FBXO22: variants seen among roughly 807,000 people sequenced by gnomAD.
The protein encoded by FBXO22 is F-box protein 22.
FBXO22 carries 13 observed loss-of-function variants against 37.2 expected under a neutral mutation model. That is an observed-to-expected ratio of 0.35 (90% confidence interval 0.23 to 0.56). The LOEUF is 0.56. Ranked by LOEUF, FBXO22 falls within the 20% of genes least tolerant of loss-of-function variation. The pLI, the probability that FBXO22 is intolerant of heterozygous loss-of-function variation, is 0.87. For synonymous variants in FBXO22, 189 were observed against 189.1 expected (o/e 1.00, Z 0.00); for missense variants, 446 against 509.9 (o/e 0.87, Z 1.21).
In FBXO22 at chr15:75,932,602, G is replaced by A. The variant is rs10163130; in HGVS notation, c.795-83G>A. 8.1e-4 allele frequency: 1,091 copies of A among 1,347,738 alleles called. 6 individuals carry two copies. The African/African-American group carries it at 0.014, about 18-fold the overall frequency. The allele number at this position is 1,347,738 out of a possible 1,614,324, so 83.5% of individuals were successfully genotyped here. ...AGGCTGCTAAAGGCAGCAGCCTCCC[G>A]TCAGTGAATCAGGAGGATTTTGCTT... On this transcript the variant is annotated intron_variant, in intron 6 of 6. Transcript: ENST00000308275.
chr15:75,922,919 C>A (rs536784247), intron 5 of FBXO22, among the ~76,000 whole-genome samples: 9 of 152,294 alleles, frequency 5.9e-5, no homozygotes, highest in Admixed American at 1.3e-4. Flanking sequence ...AATAGGAACA[C>A]TGGGACAGGA....
intron 6 of FBXO22, 110 bp from the exon 7 acceptor site, chr15:75,932,575 A>G (rs2030078098): frequency 4.0e-6 from 4 of 1,012,222 alleles, no homozygotes; most frequent in East Asian, 2.4e-5. Flanking sequence ...CAGATTAACC[A>G]TAGGCTGCTA....
intron 6 of FBXO22, chr15:75,930,526 G>A: frequency 1.0e-6 from 1 of 987,320 alleles, no homozygotes; most frequent in South Asian, 4.7e-5. Context: ...TCCACAGAAT[G>A]TCTTGCAAGT....
rs769518649 is a variant in FBXO22, at chr15:75,904,554, G to C, written c.204G>C (p.Trp68Cys). The C allele has an allele frequency of 2.5e-6, 4 of 1,613,814 alleles. No individual in the cohort carries two copies. The highest frequency in any genetic ancestry group is 3.4e-6 in the Non-Finnish European group (4 of 1,179,870). The change falls in exon 2 of 7, where the codon TGG (tryptophan) becomes TGC (cysteine). Residue 68 changes from tryptophan (W) to cysteine (C), a missense_variant. Coordinates refer to ENST00000308275, the MANE Select transcript of FBXO22 (RefSeq NM_147188.3). ...RVLRTHRSVT[W>C]ISAGLAEAGH... Reference sequence around the variant, plus strand: ...TGCGGACCCATCGGAGCGTAACCTGGATCTCCGCAGGCCTGGCGGAGGCCG... The same window carrying C: ...TGCGGACCCATCGGAGCGTAACCTGCATCTCCGCAGGCCTGGCGGAGGCCG...
intron 5 of FBXO22, among the ~76,000 whole-genome samples, chr15:75,920,840 T>A (rs1040495558): frequency 1.3e-5 from 2 of 152,064 alleles, no homozygotes; most frequent in Middle Eastern, 3.4e-3. Flanking sequence ...AATAAATAAA[T>A]AAAAATTTAT....
At chr15:75,919,217 C>T (rs758044222) in intron 5 of FBXO22, among the ~76,000 whole-genome samples, 16 of 152,140 alleles carry the variant, frequency 1.1e-4, no homozygotes, top group Admixed American at 3.3e-4. Context: ...AGTGATCCAC[C>T]TGCCTCGGCC....
chr15:75,913,117 A>G (rs532390140), intron 2 of FBXO22, 86 bp from the exon 3 acceptor site: 165 of 821,504 alleles, frequency 2.0e-4, no homozygotes, highest in African/African-American at 9.5e-4. Context: ...TGATTGCACT[A>G]TGGACTGGGT....
intron 2 of FBXO22, 22 bp downstream of exon 2, chr15:75,904,651 G>T: frequency 1.3e-6 from 2 of 1,572,664 alleles, no homozygotes; most frequent in Middle Eastern, 1.7e-4. Flanking sequence ...GGGGTGTCAT[G>T]CACAGTCATT....
At chr15:75,914,713 G>A (rs1020899452) in intron 4 of FBXO22, among the ~76,000 whole-genome samples, 3 of 152,112 alleles carry the variant, frequency 2.0e-5, no homozygotes, top group Admixed American at 6.5e-5. Flanking sequence ...GTAGTTAACT[G>A]GGGGAGGAGA....
chr15:75,910,875 T>C (rs914022342), intron 2 of FBXO22, among the ~76,000 whole-genome samples: 3 of 152,262 alleles, frequency 2.0e-5, no homozygotes, highest in African/African-American at 7.2e-5. Context: ...TAGATGTTCT[T>C]CTAGTGTTTT....
intron 1 of FBXO22, 98 bp downstream of exon 1, chr15:75,904,201 A>G (rs1899865591): frequency 1.4e-6 from 2 of 1,408,062 alleles, no homozygotes; most frequent in Non-Finnish European, 1.9e-6. Context: ...GGGACCCACC[A>G]GGGCCGTCCC....
Position 75,936,525 on chromosome 15 carries a change from C to G in FBXO22, c.*3423C>G, listed in dbSNP as rs1195182501. The G allele has an allele frequency of 6.6e-6, 1 of 152,018 alleles. No individual in the cohort carries two copies. Among genetic ancestry groups the G allele is most frequent in the East Asian group, 1.9e-4 (1 of 5,200 alleles). The allele number at this position is 152,018 out of a possible 1,614,324, so 9.4% of individuals were successfully genotyped here. A position where few individuals can be genotyped will look rare whatever the true frequency, so the allele number is the denominator to read the frequency against. Reference sequence around the variant, plus strand: ...CAGGTTACAAGAACATGTGCTACTACAAAGTAGGAAACTGGCAGAAGCCAA... The same window carrying G: ...CAGGTTACAAGAACATGTGCTACTAGAAAGTAGGAAACTGGCAGAAGCCAA... On this transcript the variant is annotated 3_prime_UTR_variant, in exon 7 of 7. Coordinates refer to ENST00000308275, the MANE Select transcript of FBXO22 (RefSeq NM_147188.3).
In FBXO22 at chr15:75,925,728, T is replaced by G. The variant is rs1339032928; in HGVS notation, c.629-4156T>G. ...ATCTATTCAAGACAATGAGGCAGAC[T>G]TTATTTGGGAGACCACTGTGATGGG... On this transcript the variant is annotated intron_variant, in intron 5 of 6. Coordinates refer to ENST00000308275, the MANE Select transcript of FBXO22 (RefSeq NM_147188.3). 1.6e-4 allele frequency among the ~76,000 whole-genome samples: 24 copies of G among 150,280 alleles called. 1 individual carries two copies. Among genetic ancestry groups the G allele is most frequent in the Admixed American group, 1.6e-3 (24 of 15,100 alleles).
chr15:75,903,913 A>T lies in FBXO22; in HGVS notation c.-51A>T. On this transcript the variant is annotated 5_prime_UTR_variant, in exon 1 of 7. The change abolishes the stop of an existing upstream ORF in the 5' untranslated region. Coordinates refer to ENST00000308275, the MANE Select transcript of FBXO22 (RefSeq NM_147188.3). ...GGCCGGGCAACCCTATGCTGGCGTA[A>T]TCGGGTTCCTCCGAGCCGCCGTAGG... 6.9e-7 allele frequency: 1 copy of T among 1,453,298 alleles called. No individual in the cohort carries two copies. Among genetic ancestry groups the T allele is most frequent in the Non-Finnish European group, 9.1e-7 (1 of 1,098,574 alleles). 90.0% of individuals were successfully genotyped at this position (1,453,298 alleles called of 1,614,324 possible). A position where few individuals can be genotyped will look rare whatever the true frequency, so the allele number is the denominator to read the frequency against.
At chr15:75,913,995 A>C in intron 3 of FBXO22, 115 bp from the exon 4 acceptor site, 1 of 695,028 alleles carries the variant, frequency 1.4e-6, no homozygotes, top group Non-Finnish European at 2.4e-6. Context: ...CTTTATTTAG[A>C]GCATTCTCGT....
chr15:75,916,649 A>G (rs577198363), intron 4 of FBXO22, among the ~76,000 whole-genome samples: 1 of 152,332 alleles, frequency 6.6e-6, no homozygotes, highest in South Asian at 2.1e-4. Context: ...TACCTGTAAA[A>G]TTCAGAGCAT....
intron 2 of FBXO22, among the ~76,000 whole-genome samples, chr15:75,909,680 G>A (rs973179893): frequency 6.6e-6 from 1 of 152,050 alleles, no homozygotes; most frequent in Admixed American, 6.6e-5. Flanking sequence ...AAATGAAAGA[G>A]CATGAGTGAA....
chr15:75,912,806 G>C (rs1031180668), intron 2 of FBXO22, among the ~76,000 whole-genome samples: 1 of 152,112 alleles, frequency 6.6e-6, no homozygotes, highest in Non-Finnish European at 1.5e-5. Flanking sequence ...CCTTCTGCTA[G>C]CTTTTGAATT....
rs2030184983 is a variant in FBXO22 at position 75,934,342 on chromosome 15, G to C, written c.*1240G>C. The C allele has an allele frequency of 6.6e-6, 1 of 152,164 alleles. No homozygotes were observed. The highest frequency in any genetic ancestry group is 1.5e-5 in the Non-Finnish European group (1 of 68,056). The allele number at this position is 152,164 out of a possible 1,614,324, so 9.4% of individuals were successfully genotyped here. A position where few individuals can be genotyped will look rare whatever the true frequency, so the allele number is the denominator to read the frequency against. On this transcript the variant is annotated 3_prime_UTR_variant, in exon 7 of 7. Coordinates refer to ENST00000308275, the MANE Select transcript of FBXO22 (RefSeq NM_147188.3). ...CGACCTCATTGAAGAAACACCATAA[G>C]TGGCGTGGACTATCTACCTCCAGAC...
Sources: gnomAD v4.1 joint callset for allele counts (sites outside exome capture counted in the v4.1 genomes callset) on GRCh38, gnomAD v4.1.1 for gene constraint, MANE v1.5 for transcripts, NCBI Gene and HGNC (gene_info 2026-07-23, HGNC 2026-07-21) for gene names.